The following ZNF398 variants were observed in gnomAD, a reference collection of about 807,000 sequenced individuals.
The protein encoded by ZNF398 is zinc finger DNA binding protein ZER6.
A neutral mutation model predicts 41.9 loss-of-function variants in ZNF398; 18 were observed. That is an observed-to-expected ratio of 0.43 (90% confidence interval 0.30 to 0.64). The LOEUF (loss-of-function observed/expected upper bound fraction) is 0.64. ZNF398 is among the 30% of genes least tolerant of loss of function. The pLI is 0.14. For missense variants in ZNF398, 669 were observed against 822.8 expected, an observed-to-expected ratio of 0.81 and a Z score of 2.29; for synonymous variants, 260 against 308.8, an observed-to-expected ratio of 0.84 and a Z score of 1.66.
upstream of ZNF398, among the ~76,000 whole-genome samples, chr7:149,142,840 T>C (rs1003203124): frequency 7.9e-5 from 12 of 152,184 alleles, no homozygotes; most frequent in Non-Finnish European, 1.2e-4. Flanking sequence ...ATTTGTGGAA[T>C]GTAAAATCAG....
In ZNF398 at chr7:149,180,405, A is replaced by C. The variant is rs949305099; in HGVS notation, c.*604A>C. ...ACTGCCTGCCTAGGTTTCTTAGATT[A>C]ATTATTCACATAAATTTTGTTTAAT... is the stretch of plus-strand genomic sequence containing the variant. On this transcript the variant is annotated 3_prime_UTR_variant, in exon 6 of 6. Transcript: ENST00000475153. 1 of 152,232 alleles carries C rather than the reference A, an allele frequency of 6.6e-6. No homozygotes were observed. The highest frequency in any genetic ancestry group is 1.5e-5 in the Non-Finnish European group (1 of 68,042). 9.4% of individuals were successfully genotyped at this position (152,232 alleles called of 1,614,324 possible).
intron 2 of ZNF398, among the ~76,000 whole-genome samples, chr7:149,129,671 C>T (rs374904831): frequency 1.5e-4 from 23 of 152,128 alleles, no homozygotes; most frequent in South Asian, 8.3e-4. Flanking sequence ...TGAGCCACTG[C>T]GCCTGGCCTA....
chr7:149,131,166 T>C (rs1826587118), intron 2 of ZNF398, among the ~76,000 whole-genome samples: 1 of 152,222 alleles, frequency 6.6e-6, no homozygotes, highest in African/African-American at 2.4e-5. Flanking sequence ...AAACATCAGT[T>C]CTATAGGGCA....
intron 2 of ZNF398, among the ~76,000 whole-genome samples, chr7:149,157,088 A>T (rs2129520595): frequency 6.6e-6 from 1 of 152,156 alleles, no homozygotes; most frequent in South Asian, 2.1e-4. Context: ...CGGCTTGAAG[A>T]ACTGGGTAGA....
chr7:149,127,211 CA>C (rs1826498815), intron 1 of ZNF398, among the ~76,000 whole-genome samples: 1 of 152,140 alleles, frequency 6.6e-6, no homozygotes, highest in African/African-American at 2.4e-5. Context: ...CCCAGAAAAT[CA>C]ACCTCGCATT....
At chr7:149,132,459 G>A (rs138786607) in intron 2 of ZNF398, among the ~76,000 whole-genome samples, 124 of 152,148 alleles carry the variant, frequency 8.1e-4, no homozygotes, top group Middle Eastern at 3.4e-3. Context: ...CTCCCAAAGC[G>A]CTGGGAATAC....
At chr7:149,127,127 T>A (rs1585496159) in intron 1 of ZNF398, among the ~76,000 whole-genome samples, 1 of 149,422 alleles carries the variant, frequency 6.7e-6, no homozygotes, top group South Asian at 2.1e-4. Context: ...ACGGGAGAGG[T>A]GGGAAGACGC....
chr7:149,147,989 G>A lies in ZNF398; in HGVS notation c.24+223G>A, dbSNP rs1827000744. 4 of 429,526 alleles carry A rather than the reference G, an allele frequency of 9.3e-6. No individual in the cohort carries two copies. Among genetic ancestry groups the A allele is most frequent in the Non-Finnish European group, 3.9e-6 (1 of 255,596 alleles). 26.6% of individuals were successfully genotyped at this position (429,526 alleles called of 1,614,324 possible). ...CACCAGGCTGGGCCGCAGGTCTGAG[G>A]GGCACTCGCAGGCAGCTATGAGACC... On this transcript the variant is annotated intron_variant, in intron 1 of 5. Transcript: ENST00000475153. The surrounding 1 kb of genome is among the most constrained non-coding windows in gnomAD (Gnocchi z 5.6).
chr7:149,152,351 C>G (rs1000976084), intron 1 of ZNF398, among the ~76,000 whole-genome samples: 55 of 150,404 alleles, frequency 3.7e-4, no homozygotes, highest in African/African-American at 1.3e-3. Context: ...AGCTCCGCCT[C>G]CTGGGTTCAC....
At position 149,147,775 on chromosome 7, in the gene ZNF398, G is replaced by A. The variant is rs1211757341; in HGVS notation, c.24+9G>A. The A allele has an allele frequency of 1.4e-6, 2 of 1,393,544 alleles. No individual in the cohort carries two copies. Among genetic ancestry groups the A allele is most frequent in the Non-Finnish European group, 9.3e-7 (1 of 1,071,716 alleles). The allele number at this position is 1,393,544 out of a possible 1,614,324, so 86.3% of individuals were successfully genotyped here. A position where few individuals can be genotyped will look rare whatever the true frequency, so the allele number is the denominator to read the frequency against. ...AGGCGGCCCCGGCCCCGGTAAGGGC[G>A]GCCGCGCGCGAGTGTTGTGAGCCCC... On this transcript the variant is annotated intron_variant, in intron 1 of 5. Transcript: ENST00000475153. The surrounding 1 kb of genome is among the most constrained non-coding windows in gnomAD (Gnocchi z 5.6).
chr7:149,178,224 G>A (rs376943641), intron 5 of ZNF398, among the ~76,000 whole-genome samples: 9 of 152,122 alleles, frequency 5.9e-5, no homozygotes, highest in Admixed American at 4.6e-4. Context: ...CCCGGGAGGC[G>A]GAGCTTGCAT....
Position 149,140,416 on chromosome 7 carries a change from G to A in ZNF398, c.-490+11472G>A, listed in dbSNP as rs1222100746. On this transcript the variant is annotated intron_variant, in intron 2 of 6. Coordinates refer to the ZNF398 transcript ENST00000426851. ...ACTTTTTTTTTTGAGACAGAGTCTC[G>A]CTCTGTTCCTCAGGCTGGTGTGCAA... Among the ~76,000 whole-genome samples, 7 of 151,884 alleles carry A rather than the reference G, an allele frequency of 4.6e-5. No individual in the cohort carries two copies. The East Asian group carries it at 9.7e-4, about 21-fold the overall frequency.
chr7:149,160,193 CT>C (rs1421486166), intron 2 of ZNF398, among the ~76,000 whole-genome samples: 1 of 152,148 alleles, frequency 6.6e-6, no homozygotes, highest in African/African-American at 2.4e-5. Context: ...AATCCCAGCA[CT>C]TTGGGAGGCC....
At chr7:149,134,369 G>A (rs1035251250) in intron 2 of ZNF398, among the ~76,000 whole-genome samples, 4 of 151,826 alleles carry the variant, frequency 2.6e-5, no homozygotes, top group Non-Finnish European at 4.4e-5. Context: ...AGGATTACAG[G>A]TGTGAGCCAC....
At chr7:149,161,045 G>C (rs1240755692) in intron 2 of ZNF398, among the ~76,000 whole-genome samples, 3 of 151,988 alleles carry the variant, frequency 2.0e-5, no homozygotes, top group Non-Finnish European at 2.9e-5. Context: ...AGCTCTCCCA[G>C]GATTCCTCAG....
intron 1 of ZNF398, chr7:149,148,367 G>T: frequency 1.1e-6 from 1 of 923,750 alleles, no homozygotes; most frequent in African/African-American, 1.8e-5. Context: ...GGCCGGCAGC[G>T]GCCAGTTGCC....
chr7:149,169,328 AC>A (rs1563164437), intron 4 of ZNF398, among the ~76,000 whole-genome samples: 1 of 152,034 alleles, frequency 6.6e-6, no homozygotes, highest in Non-Finnish European at 1.5e-5. Context: ...CAGGTGACCC[AC>A]CCACCTCGGC....
chr7:149,176,226 C>T (rs903028041), intron 4 of ZNF398, among the ~76,000 whole-genome samples: 2 of 151,892 alleles, frequency 1.3e-5, no homozygotes, highest in Non-Finnish European at 2.9e-5. Context: ...GCCTGTAGTC[C>T]CAGCTACTCG....
intron 2 of ZNF398, among the ~76,000 whole-genome samples, chr7:149,131,632 G>A (rs987422043): frequency 6.6e-6 from 1 of 152,154 alleles, no homozygotes; most frequent in Non-Finnish European, 1.5e-5. Flanking sequence ...GTTGCAGTGA[G>A]CCAAGATCGG....
Sources: allele counts gnomAD v4.1 joint callset (sites outside exome capture counted in the v4.1 genomes callset), GRCh38; gene constraint gnomAD v4.1.1; non-coding constraint Gnocchi (gnomAD v3.1); transcripts MANE v1.5; gene names NCBI Gene and HGNC (gene_info 2026-07-23, HGNC 2026-07-21).